Variants in VAV3 observed in about 807,000 individuals in gnomAD.
VAV3 encodes guanine nucleotide exchange factor VAV3.
Under a neutral mutation model 131.2 loss-of-function variants are expected in VAV3, and 94 were observed. That is an observed-to-expected ratio of 0.72 (90% CI 0.61 to 0.85). The LOEUF is 0.85. Ranked by LOEUF, VAV3 falls within the 40% of genes least tolerant of loss-of-function variation. The pLI is 0.00. For missense variants in VAV3, 939 were observed against 1,002.7 expected (o/e 0.94, Z 0.86); for synonymous variants, 349 against 342.0 (o/e 1.02, Z -0.22).
At chr1:107,925,011 G>T (rs1673083306) in intron 1 of VAV3, among the ~76,000 whole-genome samples, 1 of 152,122 alleles carries the variant, frequency 6.6e-6, no homozygotes. Flanking sequence ...CTTGGAAGCA[G>T]AAAAATGGAT....
intron 4 of VAV3, among the ~76,000 whole-genome samples, chr1:107,775,153 T>A (rs1665280175): frequency 6.6e-6 from 1 of 152,194 alleles, no homozygotes; most frequent in Admixed American, 6.5e-5. Context: ...AAACCAAGGT[T>A]TTCTCCAAAT....
At chr1:107,604,133 T>C (rs1652084372) in intron 22 of VAV3, among the ~76,000 whole-genome samples, 1 of 152,212 alleles carries the variant, frequency 6.6e-6, no homozygotes. Context: ...GAGATTTTAG[T>C]CAATAGAACT....
chr1:107,939,444 C>T (rs767706886), intron 1 of VAV3, among the ~76,000 whole-genome samples: 9 of 152,132 alleles, frequency 5.9e-5, no homozygotes, highest in East Asian at 1.9e-4. Flanking sequence ...CGTACTTTCT[C>T]GAAATGCTGG....
At chr1:107,721,120 T>C (rs1206076216) in intron 15 of VAV3, among the ~76,000 whole-genome samples, 2 of 152,142 alleles carry the variant, frequency 1.3e-5, no homozygotes, top group African/African-American at 4.8e-5. Flanking sequence ...TCCTTTATGG[T>C]TTCATGCTTC....
At chr1:107,952,551 T>C (rs973462505) in intron 1 of VAV3, among the ~76,000 whole-genome samples, 1 of 147,580 alleles carries the variant, frequency 6.8e-6, no homozygotes, top group African/African-American at 2.5e-5. Flanking sequence ...TGCACACACA[T>C]AAATAAATCC....
At chr1:107,688,448 T>C (rs539153522) in intron 17 of VAV3, 42 bp from the exon 18 acceptor site, 2 of 1,612,010 alleles carry the variant, frequency 1.2e-6, no homozygotes, top group African/African-American at 1.3e-5. Context: ...TGTAAAGTTA[T>C]TTTGTTTGGT....
intron 1 of VAV3, among the ~76,000 whole-genome samples, chr1:107,899,634 T>C (rs568072470): frequency 1.6e-4 from 24 of 152,182 alleles, no homozygotes; most frequent in Non-Finnish European, 3.4e-4. Context: ...GAATGATGTA[T>C]CAAGGCTGAG....
intron 17 of VAV3, 132 bp from the exon 18 acceptor site, chr1:107,688,538 C>G (rs758773217): frequency 3.9e-6 from 6 of 1,537,370 alleles, no homozygotes; most frequent in Admixed American, 4.2e-5. Context: ...TATATTTCCA[C>G]GGTCCCTCAG....
chr1:107,754,197 T>A (rs953137241), intron 12 of VAV3, among the ~76,000 whole-genome samples: 1 of 152,122 alleles, frequency 6.6e-6, no homozygotes, highest in Admixed American at 6.5e-5. Flanking sequence ...CCAAGGAATA[T>A]TGACTGAATC....
chr1:107,882,312 G>A lies in VAV3; in HGVS notation c.205-7295C>T, dbSNP rs74488489. ...GCTCTCAGCATCTCAGAATAAAGAAGTTCTCAGTAGGACACTTGCTATTGA... is the reference window on the plus strand; with the variant it reads ...GCTCTCAGCATCTCAGAATAAAGAAATTCTCAGTAGGACACTTGCTATTGA... On this transcript the variant is annotated intron_variant, in intron 1 of 26. Transcript: ENST00000370056. Among the ~76,000 whole-genome samples the A allele has an allele frequency of 4.1e-4, 62 of 152,226 alleles. No individual in the cohort carries two copies. The East Asian group carries it at 0.011, about 28-fold the overall frequency.
chr1:107,675,715 G>T (rs1658159227), intron 19 of VAV3, among the ~76,000 whole-genome samples: 1 of 152,090 alleles, frequency 6.6e-6, no homozygotes, highest in Admixed American at 6.6e-5. Flanking sequence ...AACATGCTGT[G>T]TTAGGTTCTG....
At chr1:107,600,853 C>T (rs1159104439) in intron 24 of VAV3, among the ~76,000 whole-genome samples, 1 of 152,158 alleles carries the variant, frequency 6.6e-6, no homozygotes, top group Non-Finnish European at 1.5e-5. Flanking sequence ...ATCTTCTTTG[C>T]TTGTCTCCTC....
chr1:107,887,646 CTTAA>C (rs1471369828), intron 1 of VAV3, among the ~76,000 whole-genome samples: 4 of 152,114 alleles, frequency 2.6e-5, no homozygotes, highest in Non-Finnish European at 5.9e-5. Flanking sequence ...ATGCATGCGT[CTTAA>C]TTTTCAGTTC....
intron 1 of VAV3, among the ~76,000 whole-genome samples, chr1:107,918,049 C>A (rs1283383173): frequency 4.6e-5 from 7 of 152,116 alleles, no homozygotes; most frequent in Non-Finnish European, 1.0e-4. Flanking sequence ...CTATGGGAAC[C>A]ACAAAGCTAA....
chr1:107,610,074 C>G (rs1193147741), intron 21 of VAV3, 109 bp from the exon 22 acceptor site: 4 of 956,680 alleles, frequency 4.2e-6, no homozygotes, highest in Non-Finnish European at 6.7e-6. Flanking sequence ...CTAAGTGGCA[C>G]AGTCCTGGAA....
intron 2 of VAV3, among the ~76,000 whole-genome samples, chr1:107,781,519 TTTTA>T (rs1557843222): frequency 6.6e-6 from 1 of 152,174 alleles, no homozygotes; most frequent in African/African-American, 2.4e-5. Context: ...TACATATAAT[TTTTA>T]TTTGTTAATT....
intron 1 of VAV3, among the ~76,000 whole-genome samples, chr1:107,948,907 G>T (rs1557941324): frequency 6.6e-6 from 1 of 152,044 alleles, no homozygotes; most frequent in Non-Finnish European, 1.5e-5. Context: ...ATTCAAATAG[G>T]ACCATTCTAG....
chr1:107,911,418 T>C (rs1357600703), intron 1 of VAV3, among the ~76,000 whole-genome samples: 1 of 152,188 alleles, frequency 6.6e-6, no homozygotes, highest in East Asian at 1.9e-4. Context: ...CATGTAGTGA[T>C]GCCTAATAGA....
intron 15 of VAV3, among the ~76,000 whole-genome samples, chr1:107,734,537 A>G (rs1477955607): frequency 6.6e-6 from 1 of 152,206 alleles, no homozygotes; most frequent in Non-Finnish European, 1.5e-5. Flanking sequence ...ATGGAAAGCA[A>G]AAGAAAAGCA....
Sources: allele counts gnomAD v4.1 joint callset (sites outside exome capture counted in the v4.1 genomes callset), GRCh38; gene constraint gnomAD v4.1.1; transcripts MANE v1.5; gene names NCBI Gene and HGNC (gene_info 2026-07-23, HGNC 2026-07-21).